The following RANBP2 variants were observed in gnomAD, a reference collection of about 807,000 sequenced individuals.
RANBP2 encodes E3 SUMO-protein ligase RanBP2.
Under a neutral mutation model 303.6 loss-of-function variants are expected in RANBP2, and 57 were observed. The ratio of observed to expected loss-of-function variants is 0.19; its 90% CI spans 0.15 to 0.23. The LOEUF is 0.23. Among genes scored for constraint, RANBP2 ranks in the 10% least tolerant of loss-of-function variants. RANBP2 has a pLI of 1.00. For missense variants in RANBP2, 3,138 were observed against 3,780.8 expected, an observed-to-expected ratio of 0.83 and a Z score of 4.46; for synonymous variants, 1,167 against 1,301.5, an observed-to-expected ratio of 0.90 and a Z score of 2.23.
Position 108,782,352 on chromosome 2 carries a change from CT to C in RANBP2, c.8987del (p.Leu2996Ter). 6.2e-7 allele frequency: 1 copy of C among 1,614,128 alleles called. No individual in the cohort carries two copies. The highest frequency in any genetic ancestry group is 8.5e-7 in the Non-Finnish European group (1 of 1,180,022). The stretch of plus-strand genomic sequence containing the variant: ...TTACTAAAACAATGGAATTAAAGCC[CT>C]TAAATGTTTCAAATAATGCTTTAGT... ...VITKTMELKP[L>X]NVSNNALVWT... On this transcript the variant is annotated frameshift_variant, in exon 27 of 29. Transcript: ENST00000283195. LOFTEE classifies it high-confidence loss of function.
the RANBP2 span, among the ~76,000 whole-genome samples, chr2:109,071,452 T>A: frequency 1.3e-5 from 2 of 152,174 alleles, no homozygotes; most frequent in Non-Finnish European, 2.9e-5. Flanking sequence ...GGTGGGCGGA[T>A]CACTTGAGGT....
chr2:109,066,311 G>A, the RANBP2 span, among the ~76,000 whole-genome samples: 1 of 152,240 alleles, frequency 6.6e-6, no homozygotes, highest in Non-Finnish European at 1.5e-5. Context: ...GTTTCACCAT[G>A]TTGGCCAGGC....
At chr2:108,920,353 T>G in the RANBP2 span, among the ~76,000 whole-genome samples, 1 of 152,348 alleles carries the variant, frequency 6.6e-6, no homozygotes, top group South Asian at 2.1e-4. Flanking sequence ...GGACCCTATC[T>G]TCCTCTCTGT....
rs1677032199 is a variant in RANBP2, at chr2:108,765,187, A to G, written c.4648A>G (p.Ser1550Gly). Residue 1550 changes from serine (S) to glycine (G), a missense_variant, in exon 20 of 29, where the codon AGT becomes GGT. Around this residue, in one of 20 missense-constraint regions of RANBP2, gnomAD observed 388 missense variants for 328.5 expected, o/e 1.18. Coordinates refer to ENST00000283195, the MANE Select transcript of RANBP2 (RefSeq NM_006267.5). The stretch of plus-strand genomic sequence containing the variant: ...TAAGAAGGAAGGACAGTGGGATTGC[A>G]GTTCATGCTTAGTGCGAAATGAAGC... ...FAKKEGQWDC[S>G]SCLVRNEANA... The G allele has an allele frequency of 3.7e-6, 6 of 1,614,220 alleles. No individual in the cohort carries two copies. Among genetic ancestry groups the G allele is most frequent in the Non-Finnish European group, 4.2e-6 (5 of 1,180,018 alleles).
chr2:109,159,018 G>A, the RANBP2 span, among the ~76,000 whole-genome samples: 1 of 152,228 alleles, frequency 6.6e-6, no homozygotes, highest in South Asian at 2.1e-4. Context: ...TTGGGAGGCT[G>A]AGGCAGGAGA....
the RANBP2 span, among the ~76,000 whole-genome samples, chr2:109,406,208 G>C: frequency 2.6e-5 from 4 of 152,196 alleles, no homozygotes; most frequent in African/African-American, 9.7e-5. Context: ...TGCTCTGCTG[G>C]GGGAGGGAGG....
the RANBP2 span, among the ~76,000 whole-genome samples, chr2:109,269,686 C>A: frequency 6.6e-6 from 1 of 152,086 alleles, no homozygotes; most frequent in African/African-American, 2.4e-5. Flanking sequence ...GGCTGAGGCA[C>A]GAGATTTGTT....
chr2:109,563,265 T>G, the RANBP2 span, among the ~76,000 whole-genome samples: 1 of 152,182 alleles, frequency 6.6e-6, no homozygotes, highest in Admixed American at 6.5e-5. Context: ...AAACATTAAT[T>G]AACTCCATAG....
the RANBP2 span, among the ~76,000 whole-genome samples, chr2:109,025,851 G>A: frequency 6.6e-6 from 1 of 151,398 alleles, no homozygotes; most frequent in Non-Finnish European, 1.5e-5. Context: ...GCTTCACATA[G>A]AGATTCTGGC....
chr2:108,788,005 A>G (rs1558955836), downstream of RANBP2: 1 of 1,472,626 alleles, frequency 6.8e-7, no homozygotes, highest in South Asian at 1.3e-5. Context: ...TTAGTATACA[A>G]ATTAAATCTT....
At chr2:109,569,226 C>T in the RANBP2 span, among the ~76,000 whole-genome samples, 4 of 151,928 alleles carry the variant, frequency 2.6e-5, no homozygotes, top group Non-Finnish European at 5.9e-5. Flanking sequence ...GTCGGGAGTT[C>T]GAGACCAGCC....
At chr2:109,311,528 A>C in the RANBP2 span, among the ~76,000 whole-genome samples, 1 of 151,680 alleles carries the variant, frequency 6.6e-6, no homozygotes, top group Non-Finnish European at 1.5e-5. Context: ...AAGGGTATTC[A>C]ATGAGGAAAA....
the RANBP2 span, among the ~76,000 whole-genome samples, chr2:108,972,340 T>A: frequency 6.6e-6 from 1 of 152,202 alleles, no homozygotes; most frequent in Non-Finnish European, 1.5e-5. Flanking sequence ...ACACAGACAA[T>A]GATGACCAAA....
intron 9 of RANBP2, among the ~76,000 whole-genome samples, chr2:108,749,579 T>TGAGC (rs1490353783): frequency 6.6e-6 from 1 of 151,814 alleles, no homozygotes; most frequent in Non-Finnish European, 1.5e-5. Context: ...ATTACAGGTG[T>TGAGC]GAGCCACTGC....
the RANBP2 span, among the ~76,000 whole-genome samples, chr2:109,272,843 C>T: frequency 1.3e-5 from 2 of 152,162 alleles, no homozygotes; most frequent in African/African-American, 2.4e-5. Flanking sequence ...TGTGGGTTCC[C>T]GGACTGGTGT....
chr2:109,335,250 C>T, the RANBP2 span, among the ~76,000 whole-genome samples: 1 of 152,234 alleles, frequency 6.6e-6, no homozygotes, highest in Non-Finnish European at 1.5e-5. Flanking sequence ...CAAGGCCCCT[C>T]GCCCGTCCCA....
chr2:109,643,219 A>G, the RANBP2 span, among the ~76,000 whole-genome samples: 1 of 151,974 alleles, frequency 6.6e-6, no homozygotes, highest in Non-Finnish European at 1.5e-5. Flanking sequence ...TCATCTCCCA[A>G]CTTGGCTAGA....
At chr2:108,809,170 T>G in the RANBP2 span, among the ~76,000 whole-genome samples, 8 of 152,180 alleles carry the variant, frequency 5.3e-5, no homozygotes, top group Non-Finnish European at 1.2e-4. Context: ...GTTCCATTAG[T>G]CTATGTGTCT....
At chr2:109,384,321 G>GT in the RANBP2 span, among the ~76,000 whole-genome samples, 8 of 152,330 alleles carry the variant, frequency 5.3e-5, no homozygotes, top group East Asian at 1.5e-3. Flanking sequence ...CGTGGAGAAA[G>GT]TAACACCAGG....
Sources: allele counts gnomAD v4.1 joint callset (sites outside exome capture counted in the v4.1 genomes callset), GRCh38; gene constraint gnomAD v4.1.1; regional missense constraint gnomAD v4.1.1; transcripts MANE v1.5; gene names NCBI Gene and HGNC (gene_info 2026-07-23, HGNC 2026-07-21).